The following SLC10A7 variants were observed in gnomAD, a reference collection of about 807,000 sequenced individuals.
SLC10A7 encodes solute carrier family 10 member 7, also known as sodium/bile acid cotransporter 7.
In SLC10A7, 29 loss-of-function variants were observed where a neutral mutation model predicts 43.2. The ratio of observed to expected loss-of-function variants is 0.67; its 90% CI spans 0.50 to 0.92. The LOEUF (loss-of-function observed/expected upper bound fraction) is 0.92, where lower values mean the gene tolerates loss of function less well. Ranked by LOEUF, SLC10A7 falls within the 40% of genes least tolerant of loss-of-function variation. The pLI, the probability that SLC10A7 is intolerant of heterozygous loss-of-function variation, is 0.00. For missense variants in SLC10A7, 295 were observed against 403.2 expected (o/e 0.73, Z 2.30); for synonymous variants, 152 against 144.8 (o/e 1.05, Z -0.35).
At chr4:146,317,023 A>G (rs1300173187) in intron 6 of SLC10A7, among the ~76,000 whole-genome samples, 7 of 152,118 alleles carry the variant, frequency 4.6e-5, no homozygotes, top group Non-Finnish European at 1.0e-4. Context: ...AAGAAAACCT[A>G]CTTTTACATA....
At chr4:146,470,873 T>A (rs1733509784) in intron 4 of SLC10A7, among the ~76,000 whole-genome samples, 1 of 152,130 alleles carries the variant, frequency 6.6e-6, no homozygotes, top group African/African-American at 2.4e-5. Context: ...AACCACCACT[T>A]CTCAATCCCT....
At chr4:146,264,353 T>C (rs756558883) in intron 10 of SLC10A7, among the ~76,000 whole-genome samples, 5 of 152,240 alleles carry the variant, frequency 3.3e-5, no homozygotes, top group Non-Finnish European at 5.9e-5. Flanking sequence ...ATATGGACTT[T>C]TATTTAACTT....
chr4:146,449,683 C>CA (rs1731414533), intron 4 of SLC10A7, among the ~76,000 whole-genome samples: 1 of 151,518 alleles, frequency 6.6e-6, no homozygotes, highest in African/African-American at 2.4e-5. Context: ...CCACCACCAC[C>CA]ACCACAACAA....
chr4:146,484,501 A>T (rs1274685896), intron 4 of SLC10A7, among the ~76,000 whole-genome samples: 1 of 152,182 alleles, frequency 6.6e-6, no homozygotes, highest in African/African-American at 2.4e-5. Flanking sequence ...AAATTTTTTT[A>T]AAAAGTCAAA....
At chr4:146,422,148 T>C (rs1437058135) in intron 5 of SLC10A7, among the ~76,000 whole-genome samples, 2 of 152,148 alleles carry the variant, frequency 1.3e-5, no homozygotes, top group African/African-American at 2.4e-5. Context: ...AAAATAATAA[T>C]AGATCAAGAT....
intron 4 of SLC10A7, among the ~76,000 whole-genome samples, chr4:146,448,785 G>A (rs543308490): frequency 6.6e-6 from 1 of 152,248 alleles, no homozygotes; most frequent in South Asian, 2.1e-4. Context: ...CCAAACTTGG[G>A]AGAAGAATCC....
intron 10 of SLC10A7, among the ~76,000 whole-genome samples, chr4:146,263,542 A>C (rs1728366946): frequency 6.6e-6 from 1 of 152,228 alleles, no homozygotes; most frequent in South Asian, 2.1e-4. Flanking sequence ...TTTCCTTTTA[A>C]AGTAAAATTT....
rs116818841 is a variant in SLC10A7, at chr4:146,494,179, G to A, written c.396+9670C>T. On this transcript the variant is annotated intron_variant, in intron 4 of 11. Transcript: ENST00000335472. ...GTAAGCAATCCTATGAAATGAGAAT[G>A]CAAATATTATTGCTCCTTGTATGGG... Among the ~76,000 whole-genome samples, 436 of 152,294 alleles carry A rather than the reference G, an allele frequency of 2.9e-3. 3 individuals carry two copies. Among genetic ancestry groups the A allele is most frequent in the South Asian group, 0.018 (88 of 4,822 alleles).
intron 5 of SLC10A7, among the ~76,000 whole-genome samples, chr4:146,331,187 C>G (rs1484703365): frequency 2.0e-5 from 3 of 152,094 alleles, no homozygotes; most frequent in African/African-American, 7.2e-5. Context: ...ATTTAAGGCT[C>G]CACATTTATG....
At chr4:146,480,791 G>A (rs1734403443) in intron 4 of SLC10A7, among the ~76,000 whole-genome samples, 1 of 151,944 alleles carries the variant, frequency 6.6e-6, no homozygotes, top group South Asian at 2.1e-4. Context: ...GCAACCAGAA[G>A]AGCGATGTCA....
chr4:146,503,374 A>G (rs2150030128), intron 4 of SLC10A7, among the ~76,000 whole-genome samples: 1 of 152,346 alleles, frequency 6.6e-6, no homozygotes, highest in Non-Finnish European at 1.5e-5. Context: ...GTCCCCTAGC[A>G]GTTGAATAAT....
chr4:146,492,101 T>G (rs946870041), intron 4 of SLC10A7, among the ~76,000 whole-genome samples: 1 of 151,802 alleles, frequency 6.6e-6, no homozygotes, highest in Non-Finnish European at 1.5e-5. Context: ...GCGCCTGTAG[T>G]CCCAGCTACT....
intron 5 of SLC10A7, among the ~76,000 whole-genome samples, chr4:146,341,009 C>T (rs1224244973): frequency 6.6e-6 from 1 of 151,756 alleles, no homozygotes; most frequent in African/African-American, 2.4e-5. Flanking sequence ...AAAATCTATG[C>T]ACAGCACATT....
intron 5 of SLC10A7, among the ~76,000 whole-genome samples, chr4:146,360,732 C>A (rs1019484169): frequency 2.8e-4 from 42 of 152,168 alleles, no homozygotes; most frequent in African/African-American, 9.9e-4. Flanking sequence ...GCTGGGATTA[C>A]AGGCATGAGC....
At chr4:146,412,619 A>G (rs1728277563) in intron 5 of SLC10A7, among the ~76,000 whole-genome samples, 1 of 152,146 alleles carries the variant, frequency 6.6e-6, no homozygotes. Context: ...GGATTTAAGC[A>G]AAGGATTAAT....
At chr4:146,337,826 G>C (rs775825207) in intron 5 of SLC10A7, among the ~76,000 whole-genome samples, 2 of 151,714 alleles carry the variant, frequency 1.3e-5, no homozygotes, top group Non-Finnish European at 2.9e-5. Context: ...ATGTGCAAAG[G>C]AGGAAGCAGA....
intron 4 of SLC10A7, among the ~76,000 whole-genome samples, chr4:146,498,923 A>G (rs1454656226): frequency 6.6e-6 from 1 of 152,224 alleles, no homozygotes; most frequent in African/African-American, 2.4e-5. Flanking sequence ...AAATCATTTA[A>G]AATGAAAAGT....
Position 146,254,706 on chromosome 4 carries a change from G to C in SLC10A7, c.*1785C>G, listed in dbSNP as rs1167544425. 6.6e-6 allele frequency: 1 copy of C among 152,158 alleles called. No individual in the cohort carries two copies. The highest frequency in any genetic ancestry group is 1.5e-5 in the Non-Finnish European group (1 of 68,034). The allele number at this position is 152,158 out of a possible 1,614,324, so 9.4% of individuals were successfully genotyped here. A position where few individuals can be genotyped will look rare whatever the true frequency, so the allele number is the denominator to read the frequency against. On this transcript the variant is annotated 3_prime_UTR_variant, in exon 12 of 12. Transcript: ENST00000335472. ...GGAGAAAGATTTTTATGATAGGGCAGATAGATGACAGACAGACAGACACTT... is the reference window on the plus strand; with the variant it reads ...GGAGAAAGATTTTTATGATAGGGCACATAGATGACAGACAGACAGACACTT...
intron 6 of SLC10A7, among the ~76,000 whole-genome samples, chr4:146,320,774 T>C (rs1486078784): frequency 6.6e-6 from 1 of 152,028 alleles, no homozygotes; most frequent in African/African-American, 2.4e-5. Flanking sequence ...TGGGGTTCTA[T>C]TGATAATTAC....
Sources: gnomAD v4.1 joint callset for allele counts (sites outside exome capture counted in the v4.1 genomes callset) on GRCh38, gnomAD v4.1.1 for gene constraint, MANE v1.5 for transcripts, NCBI Gene and HGNC (gene_info 2026-07-23, HGNC 2026-07-21) for gene names.